Variants in COA1 observed in about 807,000 individuals in gnomAD.
COA1 encodes the protein cytochrome c oxidase assembly factor 1.
Under a neutral mutation model 16.0 loss-of-function variants are expected in COA1, and 13 were observed. That is an observed-to-expected ratio of 0.81 (90% CI 0.53 to 1.29). The LOEUF is 1.29. Among genes scored for constraint, COA1 ranks in the 50% most tolerant of loss-of-function variants. COA1 has a pLI of 0.00. For missense variants in COA1, 179 were observed against 177.0 expected (o/e 1.01, Z -0.06); for synonymous variants, 65 against 65.7 (o/e 0.99, Z 0.05).
downstream of COA1, among the ~76,000 whole-genome samples, chr7:43,638,566 C>CTTTTTTTTTTTTTTTTT (rs746584234): frequency 4.1e-5 from 4 of 97,426 alleles, no homozygotes; most frequent in African/African-American, 1.2e-4. Context: ...TTTTTCTTTC[C>CTTTTTTTTTTTTTTTTT]TTTTTTTTTT....
intron 1 of COA1, among the ~76,000 whole-genome samples, chr7:43,715,448 A>G (rs1049334021): frequency 6.6e-6 from 1 of 151,854 alleles, no homozygotes; most frequent in Non-Finnish European, 1.5e-5. Flanking sequence ...ACTGCACTCC[A>G]GCCTGGGCAA....
At chr7:43,661,615 C>T (rs912923374) in intron 1 of COA1, among the ~76,000 whole-genome samples, 16 of 141,456 alleles carry the variant, frequency 1.1e-4, no homozygotes, top group Middle Eastern at 3.6e-3. Context: ...CCAGCCTGGG[C>T]GATAGAGCGA....
chr7:43,704,836 C>T (rs2094907824), intron 1 of COA1, among the ~76,000 whole-genome samples: 1 of 152,152 alleles, frequency 6.6e-6, no homozygotes, highest in Admixed American at 6.5e-5. Context: ...AGAACCATTG[C>T]TGGGGAGCTA....
At chr7:43,694,214 A>G (rs2094460934) in intron 1 of COA1, among the ~76,000 whole-genome samples, 1 of 148,742 alleles carries the variant, frequency 6.7e-6, no homozygotes, top group Non-Finnish European at 1.5e-5. Context: ...CCCTCTCTAT[A>G]TTAGTCACAT....
intron 1 of COA1, among the ~76,000 whole-genome samples, chr7:43,654,371 G>T (rs1398862471): frequency 6.6e-6 from 1 of 152,112 alleles, no homozygotes. Context: ...AGAAATAAAA[G>T]AATATGGAGA....
intron 2 of COA1, 68 bp from the exon 3 acceptor site, chr7:43,647,702 T>C (rs2089789479): frequency 1.7e-6 from 2 of 1,195,238 alleles, no homozygotes; most frequent in East Asian, 2.4e-5. Context: ...TTGCCCGGCT[T>C]GGACCCCTAA....
intron 1 of COA1, among the ~76,000 whole-genome samples, chr7:43,673,600 C>T (rs1398223168): frequency 1.3e-5 from 2 of 152,168 alleles, no homozygotes; most frequent in African/African-American, 2.4e-5. Flanking sequence ...TCTCAAAGAA[C>T]GCAAAGCAGA....
downstream of COA1, among the ~76,000 whole-genome samples, chr7:43,635,782 C>T (rs1157234496): frequency 1.3e-5 from 2 of 152,132 alleles, no homozygotes; most frequent in Non-Finnish European, 2.9e-5. Flanking sequence ...TATAGTTTCT[C>T]GTTTCATAAA....
chr7:43,672,487 ACAGGC>A (rs1235316645), intron 1 of COA1, among the ~76,000 whole-genome samples: 3 of 152,150 alleles, frequency 2.0e-5, no homozygotes, highest in African/African-American at 7.2e-5. Context: ...AAAACCCTCA[ACAGGC>A]CAGGCACAGT....
chr7:43,639,754 C>T (rs576930988), intron 5 of COA1, 73 bp from the exon 6 acceptor site: 16 of 1,182,380 alleles, frequency 1.4e-5, no homozygotes, highest in East Asian at 2.4e-5. Flanking sequence ...AAAAAAGGGG[C>T]GCGGAAAGCA....
At chr7:43,633,558 C>A (rs1467084046) in intron 6 of COA1, 1 of 150,568 alleles carries the variant, frequency 6.6e-6, no homozygotes, top group African/African-American at 2.4e-5. Flanking sequence ...CTGATCACAG[C>A]TCTCCATAAT....
At chr7:43,619,812 C>CAGCT (rs1397679454) in intron 6 of COA1, 1 of 1,438,114 alleles carries the variant, frequency 7.0e-7, no homozygotes. Flanking sequence ...ATAGTGGAGC[C>CAGCT]AGCTATCTAC....
At chr7:43,618,305 G>A (rs563567435) in intron 6 of COA1, among the ~76,000 whole-genome samples, 1 of 152,324 alleles carries the variant, frequency 6.6e-6, no homozygotes, top group Admixed American at 6.5e-5. Context: ...CATGGAATGA[G>A]GGATGAGAAT....
chr7:43,637,400 T>C (rs1289231190), downstream of COA1, among the ~76,000 whole-genome samples: 1 of 152,112 alleles, frequency 6.6e-6, no homozygotes, highest in Non-Finnish European at 1.5e-5. Context: ...AGTCTACAGT[T>C]TGTATAATTC....
chr7:43,681,713 C>CTAA (rs1422422854), intron 1 of COA1, among the ~76,000 whole-genome samples: 2 of 152,196 alleles, frequency 1.3e-5, no homozygotes, highest in Non-Finnish European at 2.9e-5. Context: ...ATTTATAGTA[C>CTAA]TAAGCAGGCA....
At chr7:43,702,338 T>C (rs759230140) in intron 1 of COA1, among the ~76,000 whole-genome samples, 1 of 152,162 alleles carries the variant, frequency 6.6e-6, no homozygotes, top group Non-Finnish European at 1.5e-5. Context: ...CAGCACTATC[T>C]ATTGAATAGG....
At chr7:43,647,338 G>A in intron 3 of COA1, 197 bp downstream of exon 3, 1 of 600,846 alleles carries the variant, frequency 1.7e-6, no homozygotes, top group Admixed American at 2.9e-5. Flanking sequence ...CCTTTTATTT[G>A]TACTCGTTGC....
intron 1 of COA1, among the ~76,000 whole-genome samples, chr7:43,694,427 C>T (rs2094468448): frequency 5.3e-5 from 8 of 152,118 alleles, no homozygotes; most frequent in Admixed American, 4.6e-4. Flanking sequence ...TTTAGCTCCT[C>T]ACCACTCCAC....
chr7:43,634,418 G>A (rs2085529449), downstream of COA1, among the ~76,000 whole-genome samples: 2 of 152,156 alleles, frequency 1.3e-5, no homozygotes, highest in Admixed American at 1.3e-4. Flanking sequence ...GCAGGGGGAG[G>A]GGTGGCTAAG....
Sources: allele counts gnomAD v4.1 joint callset (sites outside exome capture counted in the v4.1 genomes callset), GRCh38; gene constraint gnomAD v4.1.1; transcripts MANE v1.5; gene names NCBI Gene and HGNC (gene_info 2026-07-23, HGNC 2026-07-21).